Variants in PPP2R2B observed in about 807,000 individuals in gnomAD.
PPP2R2B encodes protein phosphatase 2 regulatory subunit Bbeta.
In PPP2R2B, 5 loss-of-function variants were observed where a neutral mutation model predicts 46.0. That is an observed-to-expected ratio of 0.11 (90% confidence interval 0.06 to 0.23). The LOEUF (loss-of-function observed/expected upper bound fraction) is 0.23. Ranked by LOEUF, PPP2R2B falls within the 10% of genes least tolerant of loss-of-function variation. PPP2R2B has a pLI of 1.00. For missense variants in PPP2R2B, 367 were observed against 575.0 expected (o/e 0.64, Z 3.70); for synonymous variants, 215 against 206.7 (o/e 1.04, Z -0.34).
intron 6 of PPP2R2B, 40 bp from the exon 7 acceptor site, chr5:146,638,455 G>T: frequency 6.5e-7 from 1 of 1,534,128 alleles, no homozygotes; most frequent in East Asian, 2.3e-5. Flanking sequence ...GGAGAAGGAG[G>T]CAGGAACTTG....
chr5:146,697,853 T>TG (rs1779271176), intron 4 of PPP2R2B, 126 bp downstream of exon 4: 1 of 904,738 alleles, frequency 1.1e-6, no homozygotes, highest in African/African-American at 1.7e-5. Flanking sequence ...CTAAGCATCT[T>TG]GCAAATGTTA....
At chr5:146,959,973 G>A (rs1223775936) in intron 1 of PPP2R2B, among the ~76,000 whole-genome samples, 1 of 152,182 alleles carries the variant, frequency 6.6e-6, no homozygotes, top group African/African-American at 2.4e-5. Context: ...AAGCCATGGA[G>A]GAGCCATTGA....
intron 1 of PPP2R2B, among the ~76,000 whole-genome samples, chr5:147,017,683 T>A (rs1490932490): frequency 1.3e-5 from 2 of 148,968 alleles, no homozygotes; most frequent in East Asian, 5.8e-4. Context: ...TGGTATCAAA[T>A]GCAGCTGCAG....
intron 1 of PPP2R2B, among the ~76,000 whole-genome samples, chr5:147,051,509 A>G (rs1170904402): frequency 1.3e-5 from 2 of 152,144 alleles, no homozygotes; most frequent in African/African-American, 4.8e-5. Context: ...ACTTGACTCA[A>G]GCTGAGTTTT....
At chr5:146,759,108 CA>C (rs1754005718) in intron 2 of PPP2R2B, among the ~76,000 whole-genome samples, 1 of 152,198 alleles carries the variant, frequency 6.6e-6, no homozygotes, top group Admixed American at 6.5e-5. Context: ...GTCTCATACT[CA>C]GCAGCTGCAG....
At chr5:146,849,021 G>A (rs1200603163) in intron 2 of PPP2R2B, among the ~76,000 whole-genome samples, 1 of 152,022 alleles carries the variant, frequency 6.6e-6, no homozygotes, top group Non-Finnish European at 1.5e-5. Context: ...ACCTCCATCA[G>A]TGCAGGCTTT....
intron 7 of PPP2R2B, 93 bp from the exon 8 acceptor site, chr5:146,600,553 G>T: frequency 7.7e-7 from 1 of 1,295,270 alleles, no homozygotes. Flanking sequence ...CAGTGTAACT[G>T]AGAGTCTTAA....
intron 4 of PPP2R2B, among the ~76,000 whole-genome samples, chr5:146,693,309 G>A (rs947138629): frequency 1.3e-5 from 2 of 151,858 alleles, no homozygotes; most frequent in African/African-American, 4.8e-5. Flanking sequence ...TGTCTTCCTG[G>A]GCTCAGGTGA....
rs567078268 is a variant in PPP2R2B, at chr5:146,608,563, G to A, written c.791-8103C>T. ...TGTAATCCCAGCACTTTGGGAGGCCGAGGCAGGTAGATCACGAAGTCAGGA... is the reference window on the plus strand; with the variant it reads ...TGTAATCCCAGCACTTTGGGAGGCCAAGGCAGGTAGATCACGAAGTCAGGA... On this transcript the variant is annotated intron_variant, in intron 7 of 9. Transcript: ENST00000394411. Among the ~76,000 whole-genome samples the A allele has an allele frequency of 2.6e-3, 389 of 152,234 alleles. 3 individuals are homozygous for A. The highest frequency in any genetic ancestry group is 9.2e-3 in the African/African-American group (381 of 41,536).
intron 1 of PPP2R2B, among the ~76,000 whole-genome samples, chr5:147,045,834 A>T (rs1756519184): frequency 6.6e-6 from 1 of 152,060 alleles, no homozygotes; most frequent in African/African-American, 2.4e-5. Flanking sequence ...TGCTTTCACC[A>T]TGACCCTCTG....
rs183872177 is a variant in PPP2R2B at position 146,757,906 on chromosome 5, C to T, written c.71-56764G>A. Among the ~76,000 whole-genome samples the T allele has an allele frequency of 1.5e-4, 23 of 152,224 alleles. No individual in the cohort carries two copies. In the South Asian group the frequency reaches 3.7e-3, roughly 25 times the overall value. ...TTTTCCACAAAGCTTTGAGGCCAAG[C>T]GGAACTCTTCCATGCACCTTGAAGG... is the stretch of plus-strand genomic sequence containing the variant. On this transcript the variant is annotated intron_variant, in intron 2 of 9. Transcript: ENST00000394411.
intron 2 of PPP2R2B, among the ~76,000 whole-genome samples, chr5:146,794,369 GA>G (rs775237977): frequency 6.6e-6 from 1 of 152,214 alleles, no homozygotes; most frequent in Non-Finnish European, 1.5e-5. Context: ...AAGTGTGTGA[GA>G]AATTTACATC....
At chr5:147,071,608 C>T (rs923250511) in intron 2 of PPP2R2B, among the ~76,000 whole-genome samples, 2 of 152,142 alleles carry the variant, frequency 1.3e-5, no homozygotes, top group Non-Finnish European at 2.9e-5. Context: ...CTATCTGGAA[C>T]TCTCCTCCCC....
intron 1 of PPP2R2B, among the ~76,000 whole-genome samples, chr5:146,888,603 T>C (rs1441644853): frequency 6.6e-6 from 1 of 152,198 alleles, no homozygotes; most frequent in African/African-American, 2.4e-5. Context: ...AAGGCTTTTA[T>C]TGGCTTCCTA....
chr5:146,850,499 C>G (rs1226536291), intron 2 of PPP2R2B, among the ~76,000 whole-genome samples: 2 of 152,282 alleles, frequency 1.3e-5, no homozygotes, highest in East Asian at 3.9e-4. Flanking sequence ...TTAAGCCACA[C>G]TGGCCACCTT....
At chr5:146,966,326 C>T (rs1004140415) in intron 1 of PPP2R2B, among the ~76,000 whole-genome samples, 3 of 152,112 alleles carry the variant, frequency 2.0e-5, no homozygotes, top group African/African-American at 7.2e-5. Flanking sequence ...CTGTTGTGTC[C>T]ATCTTGTCCA....
chr5:146,622,006 C>T (rs1258244151), intron 7 of PPP2R2B, among the ~76,000 whole-genome samples: 2 of 152,152 alleles, frequency 1.3e-5, no homozygotes, highest in African/African-American at 4.8e-5. Context: ...ACCCCAAGGC[C>T]TGGGCAGACT....
intron 2 of PPP2R2B, among the ~76,000 whole-genome samples, chr5:146,761,253 T>C (rs1754146099): frequency 6.6e-6 from 1 of 152,168 alleles, no homozygotes. Flanking sequence ...AGCAAAGACT[T>C]GGAACCAACC....
chr5:146,848,754 C>G (rs1760159285), intron 2 of PPP2R2B, among the ~76,000 whole-genome samples: 2 of 152,188 alleles, frequency 1.3e-5, no homozygotes, highest in Admixed American at 6.5e-5. Context: ...ATGTACAGCT[C>G]ACCCTTAAGG....
Sources: gnomAD v4.1 joint callset for allele counts (sites outside exome capture counted in the v4.1 genomes callset) on GRCh38, gnomAD v4.1.1 for gene constraint, MANE v1.5 for transcripts, NCBI Gene and HGNC (gene_info 2026-07-23, HGNC 2026-07-21) for gene names.